Variants in RNF152 observed in about 807,000 individuals in gnomAD.
RNF152 encodes E3 ubiquitin-protein ligase RNF152.
RNF152 carries 11 observed loss-of-function variants against 12.7 expected under a neutral mutation model. That is an observed-to-expected ratio of 0.86 (90% confidence interval 0.54 to 1.43). The LOEUF is 1.43. Ranked by LOEUF, RNF152 falls within the 40% of genes most tolerant of loss-of-function variation. The pLI is 0.00. For synonymous variants in RNF152, 113 were observed against 120.3 expected (o/e 0.94, Z 0.40); for missense variants, 255 against 274.8 (o/e 0.93, Z 0.51).
In RNF152 at chr18:61,815,131, T is replaced by C. The variant is rs1214955244; in HGVS notation, c.*721A>G. 2 of 152,642 alleles carry C rather than the reference T, an allele frequency of 1.3e-5. No individual in the cohort carries two copies. Among genetic ancestry groups the C allele is most frequent in the African/African-American group, 4.8e-5 (2 of 41,462 alleles). The allele number at this position is 152,642 out of a possible 1,614,324, so 9.5% of individuals were successfully genotyped here. On this transcript the variant is annotated 3_prime_UTR_variant, in exon 2 of 2. Transcript: ENST00000312828. ...GAAAATCGGCATACAGGTTTTCCCA[T>C]GGGATTAGACATTTCTCATGATTTC...
intron 1 of RNF152, among the ~76,000 whole-genome samples, chr18:61,865,936 G>C (rs903457335): frequency 2.0e-5 from 3 of 152,232 alleles, no homozygotes; most frequent in African/African-American, 7.2e-5. Flanking sequence ...AGGCACTAGA[G>C]TCATCATGTT....
chr18:61,845,904 C>G (rs73458436), intron 1 of RNF152, among the ~76,000 whole-genome samples: 7,068 of 150,220 alleles, frequency 0.047, 583 homozygotes, highest in African/African-American at 0.16. Context: ...AAGGTATTAA[C>G]AGGTGGGGCT....
chr18:61,835,443 T>C (rs1008220964), intron 1 of RNF152, among the ~76,000 whole-genome samples: 2 of 152,112 alleles, frequency 1.3e-5, no homozygotes, highest in Non-Finnish European at 2.9e-5. Context: ...TATTTGTTTA[T>C]TTTTACAAAA....
rs1909093720 is a variant in RNF152 at position 61,816,422 on chromosome 18, G to A, written c.42C>T (p.Ile14=). The A allele has an allele frequency of 6.2e-7, 1 of 1,611,710 alleles. No homozygotes were observed. The highest frequency in any genetic ancestry group is 8.5e-7 in the Non-Finnish European group (1 of 1,178,208). The change falls in exon 2 of 2, where the codon ATC becomes ATT. Residue 14 remains isoleucine (I), a synonymous_variant. Transcript: ENST00000312828. ...GCCGGGGGCTGTAGTAATTGAAACA[G>A]ATCTGACATTCCAGCAGAGAGTCCT... ...LSQDSLLECQ[I]CFNYYSPRRR...
At chr18:61,892,507 A>C (rs1428492101) in intron 1 of RNF152, among the ~76,000 whole-genome samples, 1 of 152,212 alleles carries the variant, frequency 6.6e-6, no homozygotes, top group African/African-American at 2.4e-5. Flanking sequence ...TAACATTCAG[A>C]TACAACTGCC....
chr18:61,877,168 C>T (rs1042653854), intron 1 of RNF152, among the ~76,000 whole-genome samples: 1 of 152,324 alleles, frequency 6.6e-6, no homozygotes, highest in East Asian at 1.9e-4. Flanking sequence ...TGTTGTCATC[C>T]ACATGGGCAC....
rs916734412 is a variant in RNF152, at chr18:61,836,794, G to C, written c.-135-20196C>G. On this transcript the variant is annotated intron_variant, in intron 1 of 1. Transcript: ENST00000312828. Reference sequence around the variant, plus strand: ...AAACATACAGAAAAAGAAGGGGAAAGAAAGGCAGGAATAGAAGGGGGATTA... The same window carrying C: ...AAACATACAGAAAAAGAAGGGGAAACAAAGGCAGGAATAGAAGGGGGATTA... 1.2e-4 allele frequency among the ~76,000 whole-genome samples: 18 copies of C among 152,250 alleles called. No homozygotes were observed. The South Asian group carries it at 3.5e-3, about 30-fold the overall frequency.
chr18:61,870,197 TGGG>T (rs1237495030), intron 1 of RNF152, among the ~76,000 whole-genome samples: 2 of 152,142 alleles, frequency 1.3e-5, no homozygotes, highest in Non-Finnish European at 2.9e-5. Flanking sequence ...TGTGTCGGGA[TGGG>T]GGTGTGGAAA....
At chr18:61,848,366 T>C (rs531818739) in intron 1 of RNF152, among the ~76,000 whole-genome samples, 1 of 152,182 alleles carries the variant, frequency 6.6e-6, no homozygotes, top group Non-Finnish European at 1.5e-5. Flanking sequence ...ATTTTTTGAA[T>C]GATTCCATAG....
At chr18:61,839,238 T>G (rs1053283913) in intron 1 of RNF152, among the ~76,000 whole-genome samples, 1 of 152,168 alleles carries the variant, frequency 6.6e-6, no homozygotes, top group African/African-American at 2.4e-5. Flanking sequence ...TTTCACCCAG[T>G]GTTCCTCTAA....
chr18:61,864,511 C>A (rs878994852), intron 1 of RNF152, among the ~76,000 whole-genome samples: 1 of 152,172 alleles, frequency 6.6e-6, no homozygotes, highest in South Asian at 2.1e-4. Flanking sequence ...GTTCACCGAC[C>A]AGAACCCTGT....
At chr18:61,844,100 A>AAGAAAGAAAGAAAGAAAGAAAGAAAG in intron 1 of RNF152, among the ~76,000 whole-genome samples, 1 of 139,774 alleles carries the variant, frequency 7.2e-6, no homozygotes. Context: ...GAAAGAAAGA[A>AAGAAAGAAAGAAAGAAAGAAAGAAAG]AGAAAGAAAG....
chr18:61,893,571 C>A (rs1913062401), upstream of RNF152: 1 of 152,488 alleles, frequency 6.6e-6, no homozygotes, highest in Non-Finnish European at 1.5e-5. Flanking sequence ...GGAGCAAGCG[C>A]CCCAGGCGCG....
chr18:61,825,119 C>T (rs1230562860), intron 1 of RNF152, among the ~76,000 whole-genome samples: 1 of 152,206 alleles, frequency 6.6e-6, no homozygotes, highest in Non-Finnish European at 1.5e-5. Context: ...AAGAACATAG[C>T]AGTGAGTAAG....
intron 1 of RNF152, among the ~76,000 whole-genome samples, chr18:61,842,863 G>A (rs1344521164): frequency 2.0e-5 from 3 of 152,222 alleles, no homozygotes; most frequent in South Asian, 4.1e-4. Flanking sequence ...AGAACAGCAC[G>A]GGAAAGACCC....
intron 1 of RNF152, among the ~76,000 whole-genome samples, chr18:61,836,312 G>T (rs1424174598): frequency 6.8e-6 from 1 of 147,848 alleles, no homozygotes; most frequent in Admixed American, 6.7e-5. Flanking sequence ...TTTGAATATT[G>T]AAAAAAAAAA....
chr18:61,816,401 GGGGC>G lies in RNF152; in HGVS notation c.59_62del (p.Ser20ThrfsTer22). 1 of 1,613,986 alleles carries G rather than the reference GGGGC, an allele frequency of 6.2e-7. No individual in the cohort carries two copies. Among genetic ancestry groups the G allele is most frequent in the Non-Finnish European group, 8.5e-7 (1 of 1,179,944 alleles). ...AGTCCAGCAACTTGGGCCTGCGCCG[GGGGC>G]TGTAGTAATTGAAACAGATCTGACA... On this transcript the variant is annotated frameshift_variant, in exon 2 of 2. Transcript: ENST00000312828. LOFTEE classifies it high-confidence loss of function.
At chr18:61,861,751 G>A (rs1438801029) in intron 1 of RNF152, among the ~76,000 whole-genome samples, 3 of 152,178 alleles carry the variant, frequency 2.0e-5, no homozygotes, top group African/African-American at 7.2e-5. Flanking sequence ...GCTGGCATGT[G>A]CAGAGATCAC....
In RNF152 at chr18:61,813,786, G is replaced by T. The variant is rs1258720387; in HGVS notation, c.*2066C>A. 3 of 152,138 alleles carry T rather than the reference G, an allele frequency of 2.0e-5. No individual in the cohort carries two copies. The East Asian group carries it at 5.8e-4, about 29-fold the overall frequency. The allele number at this position is 152,138 out of a possible 1,614,324, so 9.4% of individuals were successfully genotyped here. A position where few individuals can be genotyped will look rare whatever the true frequency, so the allele number is the denominator to read the frequency against. On this transcript the variant is annotated 3_prime_UTR_variant, in exon 2 of 2. Transcript: ENST00000312828. ...GTAGCATTCTTAATGCAACACTTCT[G>T]TGGTGTGTGTGTGTGTGTATTTTCC...
Sources: gnomAD v4.1 joint callset for allele counts (sites outside exome capture counted in the v4.1 genomes callset) on GRCh38, gnomAD v4.1.1 for gene constraint, MANE v1.5 for transcripts, NCBI Gene and HGNC (gene_info 2026-07-23, HGNC 2026-07-21) for gene names.